The following CDH13 variants were observed in gnomAD, a reference collection of about 807,000 sequenced individuals.
CDH13 encodes cadherin 13.
A neutral mutation model predicts 63.8 loss-of-function variants in CDH13; 24 were observed. The ratio of observed to expected loss-of-function variants is 0.38; its 90% CI spans 0.27 to 0.53. The LOEUF (loss-of-function observed/expected upper bound fraction) is 0.53. Ranked by LOEUF, CDH13 falls within the 20% of genes least tolerant of loss-of-function variation. The pLI, the probability that CDH13 is intolerant of heterozygous loss-of-function variation, is 0.85. For missense variants in CDH13, 1,049 were observed against 903.1 expected, an observed-to-expected ratio of 1.16 and a Z score of -2.07; for synonymous variants, 503 against 355.3, an observed-to-expected ratio of 1.42 and a Z score of -4.67.
At chr16:83,765,991 C>T (rs543459096) in intron 11 of CDH13, among the ~76,000 whole-genome samples, 7 of 152,248 alleles carry the variant, frequency 4.6e-5, no homozygotes, top group Middle Eastern at 3.4e-3. Context: ...TAGATTGTAC[C>T]GCTCTTGTGT....
intron 7 of CDH13, among the ~76,000 whole-genome samples, chr16:83,496,128 A>G (rs547790044): frequency 7.9e-5 from 12 of 152,196 alleles, no homozygotes; most frequent in Admixed American, 2.0e-4. Flanking sequence ...CAAGCTACCA[A>G]TGACTTTCTT....
In CDH13 at chr16:83,369,090, A is replaced by G. The variant is rs1009254941; in HGVS notation, c.781+24084A>G. Reference sequence around the variant, plus strand: ...CTCTTAGTAGATACCTAGTAGCAGGATTGCTGGATCAAACAGTAGGTCTAC... The same window carrying G: ...CTCTTAGTAGATACCTAGTAGCAGGGTTGCTGGATCAAACAGTAGGTCTAC... On this transcript the variant is annotated intron_variant, in intron 6 of 13. Transcript: ENST00000567109. 2.2e-4 allele frequency among the ~76,000 whole-genome samples: 34 copies of G among 151,304 alleles called. 1 individual carries two copies. The highest frequency in any genetic ancestry group is 6.6e-4 in the Admixed American group (10 of 15,212).
rs140472812 is a variant in CDH13, at chr16:82,931,295, C to G, written c.157+72822C>G. ...AAATAATACTTTTTTGAAAGCGTGTCTGATAACAAACAAACAAAAAATGGT... is the reference window on the plus strand; with the variant it reads ...AAATAATACTTTTTTGAAAGCGTGTGTGATAACAAACAAACAAAAAATGGT... On this transcript the variant is annotated intron_variant, in intron 2 of 13. Transcript: ENST00000567109. 3.0e-3 allele frequency among the ~76,000 whole-genome samples: 454 copies of G among 152,288 alleles called. 2 individuals are homozygous for G. Among genetic ancestry groups the G allele is most frequent in the African/African-American group, 0.01 (433 of 41,582 alleles).
intron 1 of CDH13, among the ~76,000 whole-genome samples, chr16:82,711,558 T>C (rs1481037516): frequency 6.6e-6 from 1 of 152,166 alleles, no homozygotes; most frequent in African/African-American, 2.4e-5. Context: ...AGGTGTAGAA[T>C]TAATTCCAAC....
chr16:83,733,056 A>G (rs1911190778), intron 10 of CDH13, among the ~76,000 whole-genome samples: 1 of 152,178 alleles, frequency 6.6e-6, no homozygotes, highest in African/African-American at 2.4e-5. Flanking sequence ...TACGCATCCC[A>G]AGGGCAGGAA....
chr16:83,389,164 A>G (rs2091736311), intron 6 of CDH13, among the ~76,000 whole-genome samples: 1 of 152,198 alleles, frequency 6.6e-6, no homozygotes, highest in South Asian at 2.1e-4. Flanking sequence ...ATTGCTTTTC[A>G]TTTTTTAATT....
At chr16:82,783,312 C>T (rs570526668) in intron 1 of CDH13, among the ~76,000 whole-genome samples, 1 of 152,192 alleles carries the variant, frequency 6.6e-6, no homozygotes, top group Non-Finnish European at 1.5e-5. Context: ...GGGGAGGGGT[C>T]CCTGGCCACA....
At chr16:82,764,461 G>A (rs1439430393) in intron 1 of CDH13, among the ~76,000 whole-genome samples, 1 of 152,208 alleles carries the variant, frequency 6.6e-6, no homozygotes, top group Non-Finnish European at 1.5e-5. Context: ...GAGGGAAGAG[G>A]TTTAACCTGG....
chr16:83,295,564 C>A (rs565523311), intron 5 of CDH13, among the ~76,000 whole-genome samples: 1 of 152,040 alleles, frequency 6.6e-6, no homozygotes, highest in Admixed American at 6.5e-5. Flanking sequence ...GGCCAGCAGG[C>A]ATATTTTTAA....
chr16:83,303,061 C>T (rs1044534311), intron 5 of CDH13, among the ~76,000 whole-genome samples: 2 of 152,132 alleles, frequency 1.3e-5, no homozygotes, highest in South Asian at 2.1e-4. Context: ...AGCAATTGCC[C>T]ACATGATGGC....
Position 83,264,958 on chromosome 16 carries a change from C to T in CDH13, c.636+47461C>T, listed in dbSNP as rs547067683. Among the ~76,000 whole-genome samples, 5 of 152,090 alleles carry T rather than the reference C, an allele frequency of 3.3e-5. No individual in the cohort carries two copies. The South Asian group carries it at 6.2e-4, about 19-fold the overall frequency. On this transcript the variant is annotated intron_variant, in intron 5 of 13. Transcript: ENST00000567109. ...CTGCTGTAAATAATTATATGAAATA[C>T]GACTCTGATAGAATTTTCTTTGTCA... is the stretch of plus-strand genomic sequence containing the variant.
chr16:83,377,658 G>A (rs2091483070), intron 6 of CDH13, among the ~76,000 whole-genome samples: 1 of 152,180 alleles, frequency 6.6e-6, no homozygotes, highest in Admixed American at 6.5e-5. Context: ...CACTTTGCAA[G>A]GCTCCAACCA....
chr16:82,930,391 G>C (rs1226928753), intron 2 of CDH13, among the ~76,000 whole-genome samples: 1 of 152,024 alleles, frequency 6.6e-6, no homozygotes. Flanking sequence ...GATGCACCAG[G>C]TACTTTTCTA....
At chr16:83,113,127 C>A (rs1225825197) in intron 3 of CDH13, among the ~76,000 whole-genome samples, 2 of 152,188 alleles carry the variant, frequency 1.3e-5, no homozygotes, top group Non-Finnish European at 2.9e-5. Flanking sequence ...AACCAAGACA[C>A]CTGCGGTAGA....
At chr16:83,442,214 G>C (rs2072499080) in intron 6 of CDH13, among the ~76,000 whole-genome samples, 1 of 152,146 alleles carries the variant, frequency 6.6e-6, no homozygotes, top group Admixed American at 6.5e-5. Flanking sequence ...TATTTTCCCT[G>C]GGCCTCAGTT....
chr16:83,776,081 C>T (rs1567588087), intron 11 of CDH13, among the ~76,000 whole-genome samples: 1 of 152,152 alleles, frequency 6.6e-6, no homozygotes, highest in South Asian at 2.1e-4. Flanking sequence ...TTTAACTCAT[C>T]GCCCAAAGTA....
intron 2 of CDH13, among the ~76,000 whole-genome samples, chr16:83,004,279 G>A (rs1332258750): frequency 1.3e-5 from 2 of 152,140 alleles, no homozygotes; most frequent in Admixed American, 6.5e-5. Context: ...GCTGCCAAAG[G>A]CTCTGGAGGC....
intron 8 of CDH13, among the ~76,000 whole-genome samples, chr16:83,630,818 G>T (rs910827629): frequency 6.6e-6 from 1 of 152,188 alleles, no homozygotes; most frequent in African/African-American, 2.4e-5. Flanking sequence ...TTGTGAGGGA[G>T]ATATTTTCTA....
chr16:83,486,376 T>G (rs1327910646), intron 6 of CDH13, 101 bp from the exon 7 acceptor site: 2 of 861,652 alleles, frequency 2.3e-6, no homozygotes, highest in Non-Finnish European at 3.5e-6. Flanking sequence ...TGGAAAGTGA[T>G]GGGCACACTG....
Sources: allele counts gnomAD v4.1 joint callset (sites outside exome capture counted in the v4.1 genomes callset), GRCh38; gene constraint gnomAD v4.1.1; transcripts MANE v1.5; gene names NCBI Gene and HGNC (gene_info 2026-07-23, HGNC 2026-07-21).